QRICH2: variants seen among roughly 807,000 people sequenced by gnomAD.
QRICH2 encodes the protein glutamine-rich protein 2.
Under a neutral mutation model 168.3 loss-of-function variants are expected in QRICH2, and 119 were observed. That is an observed-to-expected ratio of 0.71 (90% CI 0.61 to 0.82). The LOEUF is 0.82. Ranked by LOEUF, QRICH2 falls within the 40% of genes least tolerant of loss-of-function variation. The pLI is 0.00. For missense variants in QRICH2, 2,241 were observed against 2,491.6 expected, an observed-to-expected ratio of 0.90 and a Z score of 2.14; for synonymous variants, 894 against 951.2, an observed-to-expected ratio of 0.94 and a Z score of 1.11.
rs369674961 is a variant in QRICH2 at position 76,290,966 on chromosome 17, A to G, written c.3712+49T>C. On this transcript the variant is annotated intron_variant, in intron 4 of 18. Coordinates refer to ENST00000680821, the MANE Select transcript of QRICH2 (RefSeq NM_001388453.1). ...CCAGGGGAAGAAAAGGATGAAACCA[A>G]CTGAAAACAGAGACAATGGTTTCTC... 58 of 1,582,282 alleles carry G rather than the reference A, an allele frequency of 3.7e-5. No homozygotes were observed. The African/African-American group carries it at 5.8e-4, about 16-fold the overall frequency.
chr17:76,287,059 C>A, intron 7 of QRICH2, 133 bp downstream of exon 7: 2 of 376,972 alleles, frequency 5.3e-6, no homozygotes, highest in Non-Finnish European at 4.9e-6. Flanking sequence ...CACACACACA[C>A]ACACACACAC....
chr17:76,274,849 C>T (rs1295533848), intron 18 of QRICH2, among the ~76,000 whole-genome samples: 1 of 152,206 alleles, frequency 6.6e-6, no homozygotes, highest in Non-Finnish European at 1.5e-5. Flanking sequence ...CCTCAGTTTT[C>T]TCAGCTGTAA....
intron 17 of QRICH2, among the ~76,000 whole-genome samples, chr17:76,276,239 G>T (rs1001915720): frequency 5.3e-5 from 8 of 152,158 alleles, no homozygotes; most frequent in African/African-American, 1.9e-4. Context: ...GAGGCATCTA[G>T]AAAGGCGCAT....
intron 7 of QRICH2, among the ~76,000 whole-genome samples, chr17:76,283,545 C>T (rs892169123): frequency 1.3e-5 from 2 of 152,222 alleles, no homozygotes; most frequent in Non-Finnish European, 2.9e-5. Flanking sequence ...GGGCACACCA[C>T]AGTTCCAGCA....
In QRICH2 at chr17:76,293,806, G is replaced by A. The variant is rs1457233682; in HGVS notation, c.921C>T (p.Pro307=). The A allele has an allele frequency of 6.8e-6, 11 of 1,613,900 alleles. No individual in the cohort carries two copies. The highest frequency in any genetic ancestry group is 3.3e-5 in the Admixed American group (2 of 59,972). ...GCTGCTGCTGTCTCCCAGTACCAGA[G>A]GGGACCTTGCTTTGTTCCCTACTGG... ...GVSSREQSKV[P]SGTGRQQQPR... is the part of the protein sequence containing the mutation. Residue 307 remains proline (P), a synonymous_variant, in exon 4 of 19, where the codon CCC becomes CCT. Coordinates refer to ENST00000680821, the MANE Select transcript of QRICH2 (RefSeq NM_001388453.1).
intron 3 of QRICH2, among the ~76,000 whole-genome samples, chr17:76,299,512 G>A (rs1026527521): frequency 6.6e-5 from 10 of 152,128 alleles, no homozygotes; most frequent in Admixed American, 2.0e-4. Flanking sequence ...CGAGGCGGGC[G>A]GATCACCTGA....
At chr17:76,285,563 C>T (rs1035470826) in intron 7 of QRICH2, among the ~76,000 whole-genome samples, 8 of 151,738 alleles carry the variant, frequency 5.3e-5, no homozygotes, top group Non-Finnish European at 8.8e-5. Flanking sequence ...TCACCGCAGC[C>T]GGCCCCACAC....
At chr17:76,284,703 A>G (rs957567330) in intron 7 of QRICH2, among the ~76,000 whole-genome samples, 1 of 151,918 alleles carries the variant, frequency 6.6e-6, no homozygotes, top group Admixed American at 6.6e-5. Context: ...CTGTAATCCC[A>G]GCTGCTTGGG....
Position 76,293,654 on chromosome 17 carries a change from C to A in QRICH2, c.1073G>T (p.Arg358Leu). The A allele has an allele frequency of 1.2e-6, 2 of 1,614,198 alleles. No homozygotes were observed. Among genetic ancestry groups the A allele is most frequent in the South Asian group, 1.1e-5 (1 of 91,088 alleles). ...TAAGTCCTGTTGAACTGGACCAGGA[C>A]GTGCATTTCTTCTTGGTTGTGTCGA... ...LTSTQPRRNA[R>L]PGPVQQDLPL... Residue 358 changes from arginine (R) to leucine (L), a missense_variant, in exon 4 of 19, where the codon CGT becomes CTT. By Grantham distance (102) the Arg-to-Leu change is moderately radical (BLOSUM62 -2). This residue lies in a region of QRICH2 where 2,047 missense variants were observed against 2,303.8 expected (regional missense o/e 0.89). Transcript: ENST00000680821.
intron 16 of QRICH2, 113 bp from the exon 17 acceptor site, chr17:76,276,880 T>TG: frequency 1.2e-6 from 1 of 850,298 alleles, no homozygotes; most frequent in Non-Finnish European, 1.8e-6. Flanking sequence ...CCTGGGGGGC[T>TG]CTGGGAGGCA....
intron 3 of QRICH2, among the ~76,000 whole-genome samples, chr17:76,296,159 G>A (rs1298432463): frequency 6.6e-6 from 1 of 152,228 alleles, no homozygotes; most frequent in African/African-American, 2.4e-5. Context: ...GAAGTCGGAG[G>A]TTGCAGTGAG....
rs1435194860 is a variant in QRICH2 at position 76,307,027 on chromosome 17, T to C, written c.534+438A>G. Among the ~76,000 whole-genome samples, 2 of 152,178 alleles carry C rather than the reference T, an allele frequency of 1.3e-5. No individual in the cohort carries two copies. Among genetic ancestry groups the C allele is most frequent in the South Asian group, 2.1e-4 (1 of 4,830 alleles). Reference sequence around the variant, plus strand: ...CCTCAACACGTATCTCTTCATGTCCTTATTCATTTTAAAAAGGGAATTCAC... The same window carrying C: ...CCTCAACACGTATCTCTTCATGTCCCTATTCATTTTAAAAAGGGAATTCAC... On this transcript the variant is annotated intron_variant, in intron 1 of 18. Coordinates refer to ENST00000680821, the MANE Select transcript of QRICH2 (RefSeq NM_001388453.1). The surrounding 1 kb of genome is among the most constrained non-coding windows in gnomAD (Gnocchi z 5.3).
chr17:76,282,078 G>T lies in QRICH2; in HGVS notation c.4049C>A (p.Thr1350Asn). 6.2e-7 allele frequency: 1 copy of T among 1,610,746 alleles called. No individual in the cohort carries two copies. The highest frequency in any genetic ancestry group is 8.5e-7 in the Non-Finnish European group (1 of 1,177,418). ...KLRMIIESML[T>N]SSSTLLSMSM... ...CATGGACAGGAGCGTGGAGGAGGAG[G>T]TCAGCATGCTCTCAATGATCATCCT... The change falls in exon 8 of 19, where the codon ACC becomes AAC. Residue 1350 changes from threonine to asparagine, a missense_variant. Around this residue, in one of 3 missense-constraint regions of QRICH2, gnomAD observed 2,047 missense variants for 2,303.8 expected, o/e 0.89. Coordinates refer to ENST00000680821, the MANE Select transcript of QRICH2 (RefSeq NM_001388453.1).
chr17:76,276,067 G>A, intron 17 of QRICH2, 120 bp from the exon 18 acceptor site: 1 of 1,205,920 alleles, frequency 8.3e-7, no homozygotes, highest in Non-Finnish European at 1.2e-6. Context: ...AGCTGAGTGG[G>A]GTCCTCGTCA....
At chr17:76,289,849 G>A (rs2070955277) in intron 5 of QRICH2, 143 bp downstream of exon 5, 2 of 533,654 alleles carry the variant, frequency 3.7e-6, no homozygotes, top group Non-Finnish European at 6.9e-6. Context: ...CTACTCGGGA[G>A]GCTGAGGCAT....
chr17:76,295,629 C>T (rs2070783035), intron 3 of QRICH2, among the ~76,000 whole-genome samples: 1 of 151,918 alleles, frequency 6.6e-6, no homozygotes, highest in Non-Finnish European at 1.5e-5. Context: ...TGCAACAGAG[C>T]GAGACACCAT....
At chr17:76,285,475 C>T (rs1266061735) in intron 7 of QRICH2, among the ~76,000 whole-genome samples, 3 of 149,920 alleles carry the variant, frequency 2.0e-5, no homozygotes, top group African/African-American at 7.3e-5. Context: ...ATCATGTTGG[C>T]CAGGTTGGTC....
chr17:76,304,077 T>TA (rs111944553), intron 3 of QRICH2, among the ~76,000 whole-genome samples: 1 of 151,930 alleles, frequency 6.6e-6, no homozygotes, highest in Non-Finnish European at 1.5e-5. Context: ...TTGGCAAAGC[T>TA]AAAAAAATTG....
chr17:76,289,421 A>C (rs764325205), intron 5 of QRICH2, among the ~76,000 whole-genome samples: 1 of 152,030 alleles, frequency 6.6e-6, no homozygotes. Context: ...TCCCGGGCTC[A>C]AGTGATCCTC....
Sources: allele counts gnomAD v4.1 joint callset (sites outside exome capture counted in the v4.1 genomes callset), GRCh38; gene constraint gnomAD v4.1.1; regional missense constraint gnomAD v4.1.1; non-coding constraint Gnocchi (gnomAD v3.1); transcripts MANE v1.5; gene names NCBI Gene and HGNC (gene_info 2026-07-23, HGNC 2026-07-21).